Variants in TUBGCP2 observed in about 807,000 individuals in gnomAD.
The protein encoded by TUBGCP2 is gamma-tubulin complex component 2.
In TUBGCP2, 55 loss-of-function variants were observed where a neutral mutation model predicts 92.2. The observed-to-expected ratio is 0.60, with a 90% CI of 0.48 to 0.75. The LOEUF (loss-of-function observed/expected upper bound fraction) is 0.75. Among genes scored for constraint, TUBGCP2 ranks in the 30% least tolerant of loss-of-function variants. The pLI, the probability that TUBGCP2 is intolerant of heterozygous loss-of-function variation, is 0.00. For synonymous variants in TUBGCP2, 533 were observed against 505.2 expected (o/e 1.06, Z -0.74); for missense variants, 1,093 against 1,188.9 (o/e 0.92, Z 1.19).
In TUBGCP2 at chr10:133,283,215, T is replaced by TG; in HGVS notation, c.2151dup (p.Asn718GlnfsTer3). 6.2e-7 allele frequency: 1 copy of TG among 1,614,188 alleles called. No individual in the cohort carries two copies. ...TGGTGGCCAAGGACGTCGTCAATGT[T>TG]GGAGGCCTGCGGGGAACAGGCCAAG... On this transcript the variant is annotated frameshift_variant, in exon 15 of 18. Transcript: ENST00000252936. LOFTEE classifies it high-confidence loss of function.
At chr10:133,284,033 T>C (rs748757178) in intron 13 of TUBGCP2, 31 bp from the exon 14 acceptor site, 3 of 1,608,766 alleles carry the variant, frequency 1.9e-6, no homozygotes, top group African/African-American at 1.3e-5. Flanking sequence ...AGGACAGCCA[T>C]GGAGGACGCG....
At chr10:133,297,526 A>G in intron 5 of TUBGCP2, 1 of 386,680 alleles carries the variant, frequency 2.6e-6, no homozygotes, top group East Asian at 7.6e-5. Context: ...TTACACGAAC[A>G]CTACTTAAGA....
At chr10:133,280,572 G>C (rs560655438) in intron 17 of TUBGCP2, among the ~76,000 whole-genome samples, 3 of 152,196 alleles carry the variant, frequency 2.0e-5, no homozygotes, top group Non-Finnish European at 4.4e-5. Context: ...ACACACAGCC[G>C]CAGGGTGCCA....
intron 1 of TUBGCP2, 80 bp downstream of exon 1, chr10:133,308,743 G>A: frequency 6.1e-6 from 2 of 330,242 alleles, no homozygotes; most frequent in Admixed American, 4.9e-5. Context: ...CGCCAGCCCC[G>A]TCGCCTCGTG....
intron 4 of TUBGCP2, 127 bp downstream of exon 4, chr10:133,299,300 A>G (rs148883230): frequency 1.1e-5 from 8 of 758,264 alleles, no homozygotes; most frequent in African/African-American, 8.9e-5. Context: ...TTCATTTTCA[A>G]TAAATGACAG....
rs1212859489 is a variant in TUBGCP2, at chr10:133,279,847, C to T, written c.2628G>A (p.Arg876=). 1 of 1,603,314 alleles carries T rather than the reference C, an allele frequency of 6.2e-7. No individual in the cohort carries two copies. The highest frequency in any genetic ancestry group is 8.5e-7 in the Non-Finnish European group (1 of 1,175,970). ...TERLERLSAE[R]SQKATPQVPV... Reference sequence around the variant, plus strand: ...GCACTTGGGGGGTGGCCTTCTGGCTCCTCTCTGCAGACAGGCGCTCCAGGC... The same window carrying T: ...GCACTTGGGGGGTGGCCTTCTGGCTTCTCTCTGCAGACAGGCGCTCCAGGC... Residue 876 remains arginine (R), a synonymous_variant, in exon 18 of 18, where the codon AGG becomes AGA. Coordinates refer to ENST00000252936, the MANE Select transcript of TUBGCP2 (RefSeq NM_006659.4).
At position 133,285,053 on chromosome 10, in the gene TUBGCP2, G is replaced by A. The variant is rs1179095380; in HGVS notation, c.2024+32C>T. 1 of 1,577,142 alleles carries A rather than the reference G, an allele frequency of 6.3e-7. No homozygotes were observed. The highest frequency in any genetic ancestry group is 8.6e-7 in the Non-Finnish European group (1 of 1,157,906). ...GCAGAGTGCAGCGAGCGCTGCTTCA[G>A]GAGGGCATGCGGGGGCAGAGGAAGA... On this transcript the variant is annotated intron_variant, in intron 13 of 17. Transcript: ENST00000252936. This position sits in a 1 kb window ranked among gnomAD's most constrained non-coding sequence, Gnocchi z 6.8.
intron 14 of TUBGCP2, 55 bp from the exon 15 acceptor site, chr10:133,283,276 C>T: frequency 6.2e-7 from 1 of 1,611,098 alleles, no homozygotes; most frequent in South Asian, 1.1e-5. Context: ...CAGACGGGCC[C>T]TGCATGCGCA....
chr10:133,299,539 C>T lies in TUBGCP2; in HGVS notation c.344G>A (p.Ser115Asn), dbSNP rs1342653473. 1.2e-6 allele frequency: 2 copies of T among 1,613,818 alleles called. No individual in the cohort carries two copies. The highest frequency in any genetic ancestry group is 2.7e-5 in the African/African-American group (2 of 75,038). The change falls in exon 4 of 18, where the codon AGC becomes AAC. Residue 115 changes from serine to asparagine, a missense_variant. By Grantham distance (46) the Ser-to-Asn change is conservative. This residue lies in a region of TUBGCP2 where 490 missense variants were observed against 488.5 expected (regional missense o/e 1.00). Transcript: ENST00000252936. ...RAELAAAAVGSSTTSINVPAA... is the reference protein window; with the variant it reads ...RAELAAAAVGNSTTSINVPAA... ...AGGGACGTTGATGCTGGTGGTACTGCTGCCCACAGCAGCGGCTGCAAGCTC... is the reference window on the plus strand; with the variant it reads ...AGGGACGTTGATGCTGGTGGTACTGTTGCCCACAGCAGCGGCTGCAAGCTC...
In TUBGCP2 at chr10:133,284,713, G is replaced by A. The variant is rs1847085906; in HGVS notation, c.2024+372C>T. Among the ~76,000 whole-genome samples the A allele has an allele frequency of 2.0e-5, 3 of 152,018 alleles. No individual in the cohort carries two copies. In the South Asian group the frequency reaches 6.2e-4, roughly 32 times the overall value. ...CGACCCCTTTTTTCAACACCCTAGA[G>A]GCACAGACCGGCTGCAAAGCACCTC... On this transcript the variant is annotated intron_variant, in intron 13 of 17. Transcript: ENST00000252936.
Position 133,285,047 on chromosome 10 carries a change from G to C in TUBGCP2, c.2024+38C>G. ...CACTGGGCAGAGTGCAGCGAGCGCTGCTTCAGGAGGGCATGCGGGGGCAGA... is the reference window on the plus strand; with the variant it reads ...CACTGGGCAGAGTGCAGCGAGCGCTCCTTCAGGAGGGCATGCGGGGGCAGA... On this transcript the variant is annotated intron_variant, in intron 13 of 17. Transcript: ENST00000252936. The surrounding 1 kb of genome is among the most constrained non-coding windows in gnomAD (Gnocchi z 6.8). The C allele has an allele frequency of 6.4e-7, 1 of 1,571,228 alleles. No individual in the cohort carries two copies. The highest frequency in any genetic ancestry group is 8.7e-7 in the Non-Finnish European group (1 of 1,154,892).
chr10:133,302,836 T>G lies in TUBGCP2; in HGVS notation c.106A>C (p.Arg36=). ...ACAGTGGTAGTGACGTACGGGGTCC[T>G]GTTCTTTTGAAGCAGGTCAATGTAG... ...EVYIDLLQKN[R]TPYVTTTVSA... The change falls in exon 2 of 18, where the codon AGG becomes CGG. Residue 36 remains arginine (R), a synonymous_variant. Transcript: ENST00000252936. 2 of 1,613,630 alleles carry G rather than the reference T, an allele frequency of 1.2e-6. No individual in the cohort carries two copies. The highest frequency in any genetic ancestry group is 2.2e-5 in the South Asian group (2 of 91,054).
intron 5 of TUBGCP2, 55 bp from the exon 6 acceptor site, chr10:133,293,824 G>A (rs1460353898): frequency 6.7e-7 from 1 of 1,496,452 alleles, no homozygotes; most frequent in Non-Finnish European, 9.1e-7. Flanking sequence ...TGCCCCCACA[G>A]CCACGTGCCC....
intron 14 of TUBGCP2, 91 bp downstream of exon 14, chr10:133,283,791 T>C: frequency 6.4e-7 from 1 of 1,562,858 alleles, no homozygotes; most frequent in Non-Finnish European, 8.7e-7. Flanking sequence ...ACTCCCTGCC[T>C]CTCCCCTCGC....
rs763052834 is a variant in TUBGCP2, at chr10:133,293,110, A to G, written c.953T>C (p.Leu318Pro). The G allele has an allele frequency of 4.3e-6, 7 of 1,613,854 alleles. No individual in the cohort carries two copies. In the East Asian group the frequency reaches 1.6e-4, roughly 36 times the overall value. Residue 318 changes from leucine (L) to proline (P), a missense_variant, in exon 7 of 18, where the codon CTC becomes CCC. Leu to Pro is a moderately conservative substitution (Grantham distance 98). Transcript: ENST00000252936. ...GAACCAGAGCTTCTGCAGCGAAAGG[A>G]GGCCCTGCCTGTGCAGCTGCTCCAG... ...SQLEQLHRQG[L>P]LSLQKLWFYI...
At chr10:133,309,421 A>G, upstream of TUBGCP2, 1 of 1,612,496 alleles carries the variant, frequency 6.2e-7, no homozygotes, top group Non-Finnish European at 8.5e-7. Flanking sequence ...CTCTACCTCC[A>G]GGACGTGATC....
chr10:133,293,473 C>A, intron 6 of TUBGCP2, 89 bp downstream of exon 6: 2 of 1,432,550 alleles, frequency 1.4e-6, no homozygotes, highest in Non-Finnish European at 1.9e-6. Context: ...TCTTTAGAAG[C>A]GATGCAGACG....
chr10:133,283,096 C>G lies in TUBGCP2; in HGVS notation c.2271G>C (p.Met757Ile). ...VFSKLMSVCV[M>I]FTNCMQKFTQ... ...CACGCACCTGCATGCAGTTGGTGAA[C>G]ATGACGCACACAGACATGAGCTTGG... is the stretch of plus-strand genomic sequence containing the variant. The change falls in exon 15 of 18, where the codon ATG becomes ATC. Residue 757 changes from methionine (M) to isoleucine (I), a missense_variant. This residue lies in a region of TUBGCP2 where 598 missense variants were observed against 675.5 expected (regional missense o/e 0.89). Transcript: ENST00000252936. The G allele has an allele frequency of 6.2e-7, 1 of 1,614,242 alleles. No homozygotes were observed. Among genetic ancestry groups the G allele is most frequent in the Non-Finnish European group, 8.5e-7 (1 of 1,180,042 alleles).
upstream of TUBGCP2, chr10:133,308,954 C>G (rs1038456044): frequency 2.4e-6 from 3 of 1,236,870 alleles, no homozygotes; most frequent in East Asian, 3.2e-5. Flanking sequence ...ATGCAGTTGC[C>G]CCCCGCGCTG....
Sources: allele counts gnomAD v4.1 joint callset (sites outside exome capture counted in the v4.1 genomes callset), GRCh38; gene constraint gnomAD v4.1.1; regional missense constraint gnomAD v4.1.1; non-coding constraint Gnocchi (gnomAD v3.1); transcripts MANE v1.5; gene names NCBI Gene and HGNC (gene_info 2026-07-23, HGNC 2026-07-21).